PCDH9: variants seen among roughly 807,000 people sequenced by gnomAD.
The protein encoded by PCDH9 is protocadherin 9.
PCDH9 carries 24 observed loss-of-function variants against 70.6 expected under a neutral mutation model. The observed-to-expected ratio is 0.34, with a 90% CI of 0.25 to 0.48. PCDH9 has a LOEUF of 0.48. PCDH9 is among the 20% of genes least tolerant of loss of function. The pLI is 0.99. For synonymous variants in PCDH9, 562 were observed against 558.5 expected (o/e 1.01, Z -0.09); for missense variants, 1,281 against 1,503.6 (o/e 0.85, Z 2.45).
intron 3 of PCDH9, among the ~76,000 whole-genome samples, chr13:66,881,485 T>C (rs2081920782): frequency 6.6e-6 from 1 of 152,108 alleles, no homozygotes; most frequent in Non-Finnish European, 1.5e-5. Context: ...ACCCTCATAA[T>C]TCAATAATCT....
intron 4 of PCDH9, among the ~76,000 whole-genome samples, chr13:66,322,826 A>T (rs1025695520): frequency 1.3e-5 from 2 of 152,000 alleles, no homozygotes; most frequent in Non-Finnish European, 1.5e-5. Flanking sequence ...TTGCTAACAA[A>T]ACTAGATGTA....
intron 4 of PCDH9, among the ~76,000 whole-genome samples, chr13:66,390,884 G>A (rs1402122578): frequency 6.6e-6 from 1 of 152,134 alleles, no homozygotes; most frequent in African/African-American, 2.4e-5. Flanking sequence ...TCATCAATCC[G>A]TTGATATAGA....
intron 3 of PCDH9, among the ~76,000 whole-genome samples, chr13:66,834,311 C>T (rs1029847173): frequency 2.2e-4 from 34 of 151,972 alleles, no homozygotes; most frequent in African/African-American, 8.0e-4. Context: ...AAGCCCACCA[C>T]CACATCCAGC....
chr13:66,595,750 T>C (rs1276475900), intron 4 of PCDH9, among the ~76,000 whole-genome samples: 1 of 151,662 alleles, frequency 6.6e-6, no homozygotes, highest in Non-Finnish European at 1.5e-5. Context: ...GAATAGTCAT[T>C]GGTAATCACA....
chr13:66,882,347 A>G (rs577774038), intron 3 of PCDH9, among the ~76,000 whole-genome samples: 1 of 152,118 alleles, frequency 6.6e-6, no homozygotes, highest in Non-Finnish European at 1.5e-5. Context: ...TTCCTCTCCA[A>G]TGCCAGGCAA....
At chr13:66,755,793 A>G (rs1281892260) in intron 3 of PCDH9, among the ~76,000 whole-genome samples, 2 of 152,170 alleles carry the variant, frequency 1.3e-5, no homozygotes, top group Non-Finnish European at 2.9e-5. Flanking sequence ...TGAACAAAAC[A>G]ATGGAATAGA....
intron 4 of PCDH9, among the ~76,000 whole-genome samples, chr13:66,461,044 C>T (rs1958414714): frequency 6.6e-6 from 1 of 151,806 alleles, no homozygotes; most frequent in South Asian, 2.1e-4. Context: ...TGCTGGGCAA[C>T]AATTTAGACT....
chr13:66,660,142 C>T (rs1480096818), intron 3 of PCDH9, among the ~76,000 whole-genome samples: 2 of 152,054 alleles, frequency 1.3e-5, no homozygotes, highest in South Asian at 2.1e-4. Context: ...GTATGGAAGA[C>T]GAACAGTGGA....
intron 2 of PCDH9, among the ~76,000 whole-genome samples, chr13:67,041,524 G>GATGTTTCAT (rs1392931831): frequency 2.0e-5 from 3 of 152,072 alleles, no homozygotes; most frequent in African/African-American, 7.2e-5. Context: ...CTATGAAACA[G>GATGTTTCAT]GTACCCTAAG....
At chr13:66,628,180 T>A (rs1255249085) in intron 4 of PCDH9, among the ~76,000 whole-genome samples, 1 of 152,202 alleles carries the variant, frequency 6.6e-6, no homozygotes, top group Admixed American at 6.5e-5. Flanking sequence ...TTGGTCTAGA[T>A]GAACTTACCA....
intron 3 of PCDH9, among the ~76,000 whole-genome samples, chr13:66,832,895 C>A (rs994194805): frequency 6.6e-6 from 1 of 152,058 alleles, no homozygotes; most frequent in African/African-American, 2.4e-5. Flanking sequence ...ATTTCTACTA[C>A]CCCCTGTATT....
intron 2 of PCDH9, among the ~76,000 whole-genome samples, chr13:67,194,425 A>G (rs1330187018): frequency 6.6e-6 from 1 of 151,754 alleles, no homozygotes; most frequent in Non-Finnish European, 1.5e-5. Flanking sequence ...AAAAAACTAC[A>G]TTGTTATCGA....
intron 2 of PCDH9, among the ~76,000 whole-genome samples, chr13:67,114,393 T>A (rs1000724396): frequency 1.3e-5 from 2 of 152,194 alleles, no homozygotes; most frequent in African/African-American, 4.8e-5. Context: ...ACTGAGACTA[T>A]ATGAAGTAGA....
In PCDH9 at chr13:66,656,269, A is replaced by G. The variant is rs559741761; in HGVS notation, c.3139-24858T>C. 2.6e-5 allele frequency among the ~76,000 whole-genome samples: 4 copies of G among 152,272 alleles called. 1 individual carries two copies. The South Asian group carries it at 8.3e-4, about 32-fold the overall frequency. On this transcript the variant is annotated intron_variant, in intron 3 of 4. Coordinates refer to ENST00000377865, the MANE Select transcript of PCDH9 (RefSeq NM_203487.3). ...TGACCTGCTACTGCTTTCAAAGTGG[A>G]GCACTAAAGCTTAGCATTGAGGAGC...
At chr13:67,012,392 T>C (rs2084468430) in intron 2 of PCDH9, among the ~76,000 whole-genome samples, 1 of 151,950 alleles carries the variant, frequency 6.6e-6, no homozygotes, top group Non-Finnish European at 1.5e-5. Context: ...GTGATTTACA[T>C]TCTTTTTCAA....
At chr13:66,666,841 A>G (rs2078104178) in intron 3 of PCDH9, among the ~76,000 whole-genome samples, 1 of 152,166 alleles carries the variant, frequency 6.6e-6, no homozygotes, top group South Asian at 2.1e-4. Context: ...AAAGATTTGA[A>G]TATATGAAAT....
chr13:66,873,100 T>C (rs1306756498), intron 3 of PCDH9, among the ~76,000 whole-genome samples: 1 of 152,126 alleles, frequency 6.6e-6, no homozygotes, highest in East Asian at 1.9e-4. Flanking sequence ...TTTCTCCCAT[T>C]TATTCTGAAA....
intron 2 of PCDH9, among the ~76,000 whole-genome samples, chr13:67,060,782 T>C (rs996518621): frequency 2.0e-5 from 3 of 152,078 alleles, no homozygotes; most frequent in Non-Finnish European, 4.4e-5. Context: ...ACTCCATCCT[T>C]TCCTAGGTGA....
At chr13:66,717,959 G>A (rs527766871) in intron 3 of PCDH9, among the ~76,000 whole-genome samples, 4 of 152,126 alleles carry the variant, frequency 2.6e-5, no homozygotes, top group African/African-American at 9.6e-5. Flanking sequence ...TCATGTTAAC[G>A]CATACTGTTG....
Sources: gnomAD v4.1 joint callset for allele counts (sites outside exome capture counted in the v4.1 genomes callset) on GRCh38, gnomAD v4.1.1 for gene constraint, MANE v1.5 for transcripts, NCBI Gene and HGNC (gene_info 2026-07-23, HGNC 2026-07-21) for gene names.